The following NRXN1 variants were observed in gnomAD, a reference collection of about 807,000 sequenced individuals.
NRXN1 encodes the protein neurexin 1.
A neutral mutation model predicts 150.9 loss-of-function variants in NRXN1; 39 were observed. The observed-to-expected ratio is 0.26, with a 90% confidence interval of 0.20 to 0.34. NRXN1 has a LOEUF of 0.34. NRXN1 is among the 10% of genes least tolerant of loss of function. The probability of loss-of-function intolerance (pLI) is 1.00; values close to 1 mark genes in which losing one functional copy is unlikely to be tolerated. For synonymous variants in NRXN1, 924 were observed against 757.0 expected (o/e 1.22, Z -3.62); for missense variants, 1,815 against 1,949.9 (o/e 0.93, Z 1.30).
At chr2:50,847,619 G>T (rs990965517) in intron 5 of NRXN1, among the ~76,000 whole-genome samples, 2 of 152,128 alleles carry the variant, frequency 1.3e-5, no homozygotes, top group Non-Finnish European at 2.9e-5. Flanking sequence ...AAAAACCGGA[G>T]ACCCTAGCAG....
intron 2 of NRXN1, among the ~76,000 whole-genome samples, chr2:50,946,706 A>C (rs1224460506): frequency 1.3e-5 from 2 of 152,136 alleles, no homozygotes; most frequent in African/African-American, 2.4e-5. Context: ...TAAAAATTAC[A>C]CTCACCTCAA....
Position 50,705,840 on chromosome 2 carries a change from C to A in NRXN1, c.833-82225G>T, listed in dbSNP as rs548514569. ...GTTGATTGGCCTATGGCCCATAGTG[C>A]GACCACACATAAAAGATCTGCACAG... On this transcript the variant is annotated intron_variant, in intron 5 of 22. Coordinates refer to ENST00000401669, the MANE Select transcript of NRXN1 (RefSeq NM_001330078.2). Among the ~76,000 whole-genome samples, 5 of 151,770 alleles carry A rather than the reference C, an allele frequency of 3.3e-5. 1 individual carries two copies. The highest frequency in any genetic ancestry group is 1.2e-4 in the African/African-American group (5 of 41,394).
intron 17 of NRXN1, among the ~76,000 whole-genome samples, chr2:50,292,649 A>C (rs892513198): frequency 6.6e-6 from 1 of 152,214 alleles, no homozygotes; most frequent in Non-Finnish European, 1.5e-5. Context: ...ATATAGCTGA[A>C]AAGTAGTATC....
chr2:50,771,190 A>C (rs1183534478), intron 5 of NRXN1, among the ~76,000 whole-genome samples: 1 of 152,048 alleles, frequency 6.6e-6, no homozygotes, highest in African/African-American at 2.4e-5. Context: ...AGAAACAACT[A>C]ATGTCAGAAC....
At chr2:50,327,838 C>G (rs1231794702) in intron 17 of NRXN1, among the ~76,000 whole-genome samples, 3 of 151,906 alleles carry the variant, frequency 2.0e-5, no homozygotes. Context: ...TTAGTAGAGA[C>G]AGGGTTTCAC....
chr2:49,950,989 C>T (rs187854360), intron 21 of NRXN1, among the ~76,000 whole-genome samples: 321 of 151,914 alleles, frequency 2.1e-3, no homozygotes, highest in African/African-American at 7.5e-3. Context: ...CAATTTTCTT[C>T]GAATTTTTTT....
At chr2:50,541,936 C>T (rs1296835179) in intron 9 of NRXN1, among the ~76,000 whole-genome samples, 2 of 152,134 alleles carry the variant, frequency 1.3e-5, no homozygotes, top group Non-Finnish European at 1.5e-5. Flanking sequence ...GAGTAAGTTT[C>T]TCCCATAGTT....
At chr2:50,599,214 C>G (rs1185135416) in intron 8 of NRXN1, among the ~76,000 whole-genome samples, 1 of 152,050 alleles carries the variant, frequency 6.6e-6, no homozygotes, top group African/African-American at 2.4e-5. Flanking sequence ...CAAGGTCACA[C>G]CAAAATAAAA....
intron 17 of NRXN1, among the ~76,000 whole-genome samples, chr2:50,317,248 C>T (rs991448987): frequency 6.6e-6 from 1 of 151,760 alleles, no homozygotes; most frequent in African/African-American, 2.4e-5. Context: ...TTAGACAAAT[C>T]CTAATATCAG....
rs1057063063 is a variant in NRXN1, at chr2:51,009,456, C to T, written c.772+18046G>A. Among the ~76,000 whole-genome samples, 5 of 151,760 alleles carry T rather than the reference C, an allele frequency of 3.3e-5. No individual in the cohort carries two copies. In the East Asian group the frequency reaches 9.7e-4, roughly 30 times the overall value. On this transcript the variant is annotated intron_variant, in intron 2 of 22. Coordinates refer to ENST00000401669, the MANE Select transcript of NRXN1 (RefSeq NM_001330078.2). Reference sequence around the variant, plus strand: ...GGCATTCTAGTGTAGCATAATATATCGGGACAAAAGGAATGGGAAGGAGGC... The same window carrying T: ...GGCATTCTAGTGTAGCATAATATATTGGGACAAAAGGAATGGGAAGGAGGC...
intron 17 of NRXN1, among the ~76,000 whole-genome samples, chr2:50,465,152 G>T (rs571873651): frequency 1.3e-5 from 2 of 151,834 alleles, no homozygotes; most frequent in South Asian, 4.2e-4. Context: ...AACCAAGGGA[G>T]AATTGTCATA....
chr2:50,344,144 A>G (rs1431441593), intron 17 of NRXN1, among the ~76,000 whole-genome samples: 3 of 152,078 alleles, frequency 2.0e-5, no homozygotes, highest in African/African-American at 7.2e-5. Flanking sequence ...CCTCTTTCTT[A>G]TTAGGTTTCT....
chr2:50,070,149 C>T (rs895701338), intron 19 of NRXN1, among the ~76,000 whole-genome samples: 5 of 151,808 alleles, frequency 3.3e-5, no homozygotes, highest in Admixed American at 2.6e-4. Flanking sequence ...TGCGCCTGGC[C>T]GAGATTTCAG....
chr2:50,182,110 C>CT (rs1381488945), intron 18 of NRXN1, among the ~76,000 whole-genome samples: 4 of 51,798 alleles, frequency 7.7e-5, no homozygotes, highest in South Asian at 4.9e-4. Flanking sequence ...AATTCATTAT[C>CT]CTTTTTTTTT....
In NRXN1 at chr2:49,995,552, C is replaced by A. The variant is rs373821560; in HGVS notation, c.4129-51761G>T. Among the ~76,000 whole-genome samples the A allele has an allele frequency of 7.8e-4, 119 of 151,618 alleles. 2 individuals carry two copies. The South Asian group carries it at 0.023, about 30-fold the overall frequency. On this transcript the variant is annotated intron_variant, in intron 21 of 22. Transcript: ENST00000401669. ...ATCCCAGCACTTTGGGAGGCCGAGG[C>A]GGGCGGATCACGAGGTCAGGAGATC...
At chr2:49,977,514 A>G (rs903670035) in intron 21 of NRXN1, among the ~76,000 whole-genome samples, 13 of 152,220 alleles carry the variant, frequency 8.5e-5, no homozygotes, top group African/African-American at 2.7e-4. Flanking sequence ...TTAAATAAAT[A>G]TATTCTGTAT....
At chr2:50,495,383 GTGTGTGTGTGT>G (rs2091524228) in intron 15 of NRXN1, among the ~76,000 whole-genome samples, 12 of 123,832 alleles carry the variant, frequency 9.7e-5, no homozygotes, top group African/African-American at 3.3e-4. Context: ...TGTGTGTGGT[GTGTGTGTGTGT>G]GTGTGTGTGT....
At chr2:51,022,825 T>C (rs1367562608) in intron 2 of NRXN1, among the ~76,000 whole-genome samples, 3 of 152,188 alleles carry the variant, frequency 2.0e-5, no homozygotes, top group African/African-American at 4.8e-5. Flanking sequence ...ACAAATATAT[T>C]TTGTCACTAG....
intron 5 of NRXN1, among the ~76,000 whole-genome samples, chr2:50,669,623 T>G (rs1251104723): frequency 2.0e-5 from 3 of 151,698 alleles, no homozygotes; most frequent in African/African-American, 7.3e-5. Context: ...CTATATAATA[T>G]TCTAATAATG....
Sources: gnomAD v4.1 joint callset for allele counts (sites outside exome capture counted in the v4.1 genomes callset) on GRCh38, gnomAD v4.1.1 for gene constraint, MANE v1.5 for transcripts, NCBI Gene and HGNC (gene_info 2026-07-23, HGNC 2026-07-21) for gene names.